TASOR: variants seen among roughly 807,000 people sequenced by gnomAD.
The protein encoded by TASOR is transcription activation suppressor.
TASOR carries 53 observed loss-of-function variants against 178.6 expected under a neutral mutation model. That is an observed-to-expected ratio of 0.30 (90% confidence interval 0.24 to 0.37). The LOEUF (loss-of-function observed/expected upper bound fraction) is 0.37. Ranked by LOEUF, TASOR falls within the 10% of genes least tolerant of loss-of-function variation. TASOR has a pLI of 1.00. For missense variants in TASOR, 1,815 were observed against 1,971.4 expected (o/e 0.92, Z 1.50); for synonymous variants, 713 against 696.2 (o/e 1.02, Z -0.38).
chr3:56,647,337 G>A (rs1307809046), intron 13 of TASOR, 114 bp from the exon 14 acceptor site: 3 of 788,956 alleles, frequency 3.8e-6, no homozygotes, highest in Non-Finnish European at 5.7e-6. Context: ...CATTAATGTT[G>A]AACCAGACGA....
intron 18 of TASOR, chr3:56,629,207 G>C (rs2076861067): frequency 6.6e-6 from 1 of 152,222 alleles, no homozygotes; most frequent in Admixed American, 6.5e-5. Context: ...CCAAGTAACA[G>C]TGTGAGTTAA....
At position 56,624,568 on chromosome 3, in the gene TASOR, T is replaced by C. The variant is rs570857085; in HGVS notation, c.4394A>G (p.Asn1465Ser). 2.3e-5 allele frequency: 37 copies of C among 1,614,104 alleles called. No individual in the cohort carries two copies. The African/African-American group carries it at 4.7e-4, about 20-fold the overall frequency. Residue 1465 changes from asparagine (N) to serine (S), a missense_variant, in exon 23 of 24, where the codon AAC becomes AGC. Asn to Ser is a conservative substitution (Grantham distance 46, BLOSUM62 1). This residue lies in a region of TASOR where 278 missense variants were observed against 257.1 expected (regional missense o/e 1.08). Transcript: ENST00000683822. ...VVATAEDFMQ[N>S]FKNLVGYHNS... ...GTGATAGCCCACAAGATTTTTAAAG[T>C]TTTGCATGAAGTCTTCAGCAGTTGC...
chr3:56,631,903 C>T (rs141671921), intron 18 of TASOR, among the ~76,000 whole-genome samples: 1 of 152,138 alleles, frequency 6.6e-6, no homozygotes, highest in East Asian at 1.9e-4. Context: ...GTGTTTAAAC[C>T]AACTATCTAA....
intron 18 of TASOR, among the ~76,000 whole-genome samples, chr3:56,629,510 A>C (rs2076867019): frequency 6.6e-6 from 1 of 152,244 alleles, no homozygotes; most frequent in Non-Finnish European, 1.5e-5. Context: ...TTCATTATGT[A>C]CAATGGTATT....
chr3:56,682,754 G>A lies in TASOR; in HGVS notation c.253C>T (p.Leu85=). The change falls in exon 1 of 24, where the codon CTG becomes TTG. Residue 85 remains leucine, a synonymous_variant. Coordinates refer to ENST00000683822, the MANE Select transcript of TASOR (RefSeq NM_001365635.2). The part of the protein sequence containing the change: ...QDSSEAGAAA[L]PRGPEEPERP... The stretch of plus-strand genomic sequence containing the variant: ...TCGGGCTCTTCGGGGCCTCTGGGCA[G>A]GGCGGCCGCGCCCGCCTCAGAGGAG... 6.5e-7 allele frequency: 1 copy of A among 1,538,502 alleles called. No homozygotes were observed. The highest frequency in any genetic ancestry group is 8.8e-7 in the Non-Finnish European group (1 of 1,139,930).
At chr3:56,624,124 CA>C (rs1195358848) in intron 23 of TASOR, among the ~76,000 whole-genome samples, 1 of 152,084 alleles carries the variant, frequency 6.6e-6, no homozygotes, top group East Asian at 1.9e-4. Context: ...GCTAAATCGC[CA>C]TATCTGGTTT....
chr3:56,682,538 G>A lies in TASOR; in HGVS notation c.331+138C>T. On this transcript the variant is annotated intron_variant, in intron 1 of 23. Transcript: ENST00000683822. ...CCAAACGCGGCAGCTGGGCGGCCGT[G>A]GCGGTGAGGGGAGAGGCGGCCGGCG... The A allele has an allele frequency of 6.5e-6, 5 of 774,552 alleles. 1 individual carries two copies. In the South Asian group the frequency reaches 1.9e-4, roughly 30 times the overall value. The allele number at this position is 774,552 out of a possible 1,614,324, so 48.0% of individuals were successfully genotyped here. A position where few individuals can be genotyped will look rare whatever the true frequency, so the allele number is the denominator to read the frequency against.
Position 56,682,842 on chromosome 3 carries a change from A to C in TASOR, c.165T>G (p.Ala55=). ...CGGCCCCCGCGTTCTCCTCACGCCCAGCGCCGCCGCTGGGCTCAGCGATGT... is the reference window on the plus strand; with the variant it reads ...CGGCCCCCGCGTTCTCCTCACGCCCCGCGCCGCCGCTGGGCTCAGCGATGT... The part of the protein sequence containing the change: ...GLNIAEPSGG[A]GREENAGAEA... Residue 55 remains alanine (A), a synonymous_variant, in exon 1 of 24, where the codon GCT becomes GCG. Coordinates refer to ENST00000683822, the MANE Select transcript of TASOR (RefSeq NM_001365635.2). 5.8e-6 allele frequency: 9 copies of C among 1,550,238 alleles called. No homozygotes were observed. The highest frequency in any genetic ancestry group is 7.8e-6 in the Non-Finnish European group (9 of 1,146,506).
At chr3:56,656,609 A>G (rs879474661) in intron 11 of TASOR, among the ~76,000 whole-genome samples, 2 of 151,968 alleles carry the variant, frequency 1.3e-5, no homozygotes, top group Non-Finnish European at 2.9e-5. Context: ...CCCCAAAAAA[A>G]GAAAGAAAAT....
chr3:56,672,310 G>A (rs928922304), intron 2 of TASOR, among the ~76,000 whole-genome samples: 1 of 152,060 alleles, frequency 6.6e-6, no homozygotes, highest in African/African-American at 2.4e-5. Flanking sequence ...TTTATCTTCA[G>A]ACTAAATTTT....
chr3:56,649,195 A>C, intron 11 of TASOR, 138 bp from the exon 12 acceptor site: 1 of 525,236 alleles, frequency 1.9e-6, no homozygotes, highest in East Asian at 3.2e-5. Context: ...CTAATGAATT[A>C]GTTAATTCTT....
At position 56,683,202 on chromosome 3, in the gene TASOR, G is replaced by A; in HGVS notation, c.-196C>T. On this transcript the variant is annotated 5_prime_UTR_variant, in exon 1 of 24. Coordinates refer to ENST00000683822, the MANE Select transcript of TASOR (RefSeq NM_001365635.2). ...GCGGGCACCCCAAATGCGCTGCCCG[G>A]TCCTCGGAGCCGCTCCTCCCTCGGG... The A allele has an allele frequency of 1.9e-6, 1 of 539,424 alleles. No homozygotes were observed. The highest frequency in any genetic ancestry group is 3.2e-6 in the Non-Finnish European group (1 of 313,482). The allele number at this position is 539,424 out of a possible 1,614,324, so 33.4% of individuals were successfully genotyped here. A position where few individuals can be genotyped will look rare whatever the true frequency, so the allele number is the denominator to read the frequency against.
intron 11 of TASOR, among the ~76,000 whole-genome samples, chr3:56,650,456 T>C (rs1263826305): frequency 6.6e-6 from 1 of 152,122 alleles, no homozygotes; most frequent in African/African-American, 2.4e-5. Context: ...GTTATTTTAG[T>C]GGAAGCAGGC....
rs150323299 is a variant in TASOR, at chr3:56,645,071, C to T, written c.2215+1451G>A. 2.0e-3 allele frequency among the ~76,000 whole-genome samples: 305 copies of T among 152,190 alleles called. 1 individual carries two copies. Among genetic ancestry groups the T allele is most frequent in the African/African-American group, 7.0e-3 (291 of 41,518 alleles). On this transcript the variant is annotated intron_variant, in intron 14 of 23. Transcript: ENST00000683822. ...GACAGATCACTTGAGGTCAGGAGTT[C>T]AAGACCAGCCTGGCCAACATGGCAA...
chr3:56,626,412 G>C (rs1286742311), intron 21 of TASOR, among the ~76,000 whole-genome samples: 2 of 152,172 alleles, frequency 1.3e-5, no homozygotes, highest in Non-Finnish European at 1.5e-5. Flanking sequence ...AGTTGGGAGA[G>C]GGCCTGATGT....
chr3:56,643,721 C>T (rs1052287747), intron 14 of TASOR, among the ~76,000 whole-genome samples: 2 of 149,884 alleles, frequency 1.3e-5, no homozygotes, highest in Admixed American at 6.7e-5. Context: ...TGCCACTGCA[C>T]TCCAGCCTGG....
At chr3:56,656,492 G>A (rs552798160) in intron 11 of TASOR, among the ~76,000 whole-genome samples, 2 of 152,272 alleles carry the variant, frequency 1.3e-5, no homozygotes, top group Non-Finnish European at 2.9e-5. Context: ...TCAGGAGGCT[G>A]AGGCAGGAGA....
At chr3:56,661,988 G>C (rs1240535018) in intron 9 of TASOR, among the ~76,000 whole-genome samples, 1 of 151,912 alleles carries the variant, frequency 6.6e-6, no homozygotes, top group Non-Finnish European at 1.5e-5. Context: ...AAATTAGCTG[G>C]GTATGGTGGC....
intron 15 of TASOR, among the ~76,000 whole-genome samples, chr3:56,640,547 A>G (rs2077099892): frequency 6.6e-6 from 1 of 152,166 alleles, no homozygotes; most frequent in South Asian, 2.1e-4. Context: ...GAAAATATTA[A>G]TACAGGTTAG....
Sources: allele counts gnomAD v4.1 joint callset (sites outside exome capture counted in the v4.1 genomes callset), GRCh38; gene constraint gnomAD v4.1.1; regional missense constraint gnomAD v4.1.1; transcripts MANE v1.5; gene names NCBI Gene and HGNC (gene_info 2026-07-23, HGNC 2026-07-21).